TRHDE: variants seen among roughly 807,000 people sequenced by gnomAD.
The protein encoded by TRHDE is thyrotropin-releasing hormone-degrading ectoenzyme.
TRHDE carries 72 observed loss-of-function variants against 125.7 expected under a neutral mutation model. The ratio of observed to expected loss-of-function variants is 0.57; its 90% confidence interval spans 0.47 to 0.70. The LOEUF is 0.70. Among genes scored for constraint, TRHDE ranks in the 30% least tolerant of loss-of-function variants. TRHDE has a pLI of 0.00. For missense variants in TRHDE, 1,110 were observed against 1,327.1 expected (o/e 0.84, Z 2.54); for synonymous variants, 509 against 509.1 (o/e 1.00, Z 0.00).
chr12:72,169,894 C>T (rs1287925364), intron 2 of TRHDE, among the ~76,000 whole-genome samples: 2 of 152,000 alleles, frequency 1.3e-5, no homozygotes, highest in Non-Finnish European at 2.9e-5. Flanking sequence ...GACTGATAAT[C>T]ACAGCTTTAG....
chr12:72,347,014 G>A (rs1266537066), intron 2 of TRHDE, among the ~76,000 whole-genome samples: 1 of 152,108 alleles, frequency 6.6e-6, no homozygotes, highest in East Asian at 1.9e-4. Context: ...GTGTGTGTCT[G>A]TATCCAAATT....
At chr12:72,479,699 A>C (rs1877071604) in intron 5 of TRHDE, among the ~76,000 whole-genome samples, 1 of 149,910 alleles carries the variant, frequency 6.7e-6, no homozygotes, top group South Asian at 2.1e-4. Flanking sequence ...TTTAGGGTAC[A>C]TGTGCACAAT....
At chr12:72,209,001 C>T (rs181987253) in intron 2 of TRHDE, among the ~76,000 whole-genome samples, 22 of 152,242 alleles carry the variant, frequency 1.4e-4, no homozygotes, top group African/African-American at 2.6e-4. Context: ...TCTGCGGCTC[C>T]GAGCCTGCTA....
chr12:72,351,564 A>G (rs915626148), intron 2 of TRHDE, among the ~76,000 whole-genome samples: 30 of 151,764 alleles, frequency 2.0e-4, no homozygotes, highest in African/African-American at 7.3e-4. Flanking sequence ...TGTCCTGTTG[A>G]TTTTGCCTCT....
intron 2 of TRHDE, among the ~76,000 whole-genome samples, chr12:72,116,319 A>G (rs774309821): frequency 1.3e-5 from 2 of 152,198 alleles, no homozygotes; most frequent in Non-Finnish European, 2.9e-5. Context: ...TAAAATAAAC[A>G]TATGTGTGCA....
intron 2 of TRHDE, among the ~76,000 whole-genome samples, chr12:72,368,054 A>G (rs1440816043): frequency 6.6e-6 from 1 of 152,174 alleles, no homozygotes; most frequent in Non-Finnish European, 1.5e-5. Context: ...ATAACTATAC[A>G]CTGTTTCACG....
chr12:72,135,549 GT>G (rs202197870), intron 2 of TRHDE, among the ~76,000 whole-genome samples: 7,394 of 139,922 alleles, frequency 0.053, 216 homozygotes, highest in South Asian at 0.12. Flanking sequence ...GTGTAAACAT[GT>G]TTTTTTTTTT....
intron 3 of TRHDE, 107 bp downstream of exon 3, chr12:72,378,228 AT>A: frequency 1.8e-6 from 2 of 1,135,792 alleles, no homozygotes; most frequent in Non-Finnish European, 2.4e-6. Flanking sequence ...TGAGATTTAT[AT>A]TTTTAGAGAA....
chr12:72,606,908 AATT>A (rs1872468680), intron 12 of TRHDE, among the ~76,000 whole-genome samples: 1 of 152,082 alleles, frequency 6.6e-6, no homozygotes, highest in African/African-American at 2.4e-5. Flanking sequence ...CTCTAATAAT[AATT>A]ATTATTAAAC....
chr12:72,230,096 T>C (rs1389640430), intron 2 of TRHDE, among the ~76,000 whole-genome samples: 1 of 152,206 alleles, frequency 6.6e-6, no homozygotes, highest in Non-Finnish European at 1.5e-5. Flanking sequence ...AAAAGTTGTG[T>C]TCTAAAAACT....
chr12:72,596,536 A>G (rs1235905482), intron 12 of TRHDE, among the ~76,000 whole-genome samples: 2 of 152,192 alleles, frequency 1.3e-5, no homozygotes, highest in South Asian at 2.1e-4. Context: ...AAGGTATTTA[A>G]TATTTGTCTA....
chr12:72,617,987 T>C (rs1316182675), intron 12 of TRHDE, among the ~76,000 whole-genome samples: 1 of 152,112 alleles, frequency 6.6e-6, no homozygotes. Context: ...CAAATATCAA[T>C]GCTGAAAAAT....
intron 12 of TRHDE, among the ~76,000 whole-genome samples, chr12:72,600,047 G>A (rs1414120597): frequency 6.6e-6 from 1 of 151,992 alleles, no homozygotes; most frequent in Non-Finnish European, 1.5e-5. Flanking sequence ...AAGATCAGAT[G>A]GCTGTAGGTG....
At chr12:72,575,638 T>A in intron 12 of TRHDE, 96 bp downstream of exon 12, 2 of 1,171,814 alleles carry the variant, frequency 1.7e-6, no homozygotes, top group Non-Finnish European at 2.5e-6. Context: ...ATTTAGGACA[T>A]TTAAAAAAAT....
At chr12:72,552,485 G>A (rs578046244) in intron 7 of TRHDE, among the ~76,000 whole-genome samples, 21 of 152,266 alleles carry the variant, frequency 1.4e-4, no homozygotes, top group Non-Finnish European at 2.8e-4. Flanking sequence ...ACAACTGGAG[G>A]TTAAGAGAAA....
intron 6 of TRHDE, among the ~76,000 whole-genome samples, chr12:72,541,954 T>G (rs1337077432): frequency 6.6e-6 from 1 of 151,392 alleles, no homozygotes; most frequent in African/African-American, 2.4e-5. Flanking sequence ...ATTATGAGAT[T>G]GTAAGTAAAA....
At chr12:72,133,024 G>C (rs1313982545) in intron 2 of TRHDE, among the ~76,000 whole-genome samples, 1 of 152,200 alleles carries the variant, frequency 6.6e-6, no homozygotes, top group Non-Finnish European at 1.5e-5. Flanking sequence ...GGAGGCAGGG[G>C]AAGTGGTGTA....
chr12:72,220,670 A>G (rs1010052391), intron 2 of TRHDE, among the ~76,000 whole-genome samples: 20 of 152,154 alleles, frequency 1.3e-4, no homozygotes, highest in African/African-American at 4.8e-4. Flanking sequence ...GTCAGAAGTT[A>G]TTTCTTCTTT....
chr12:72,280,009 A>C (rs1407677247), intron 1 of TRHDE, among the ~76,000 whole-genome samples: 4 of 152,226 alleles, frequency 2.6e-5, no homozygotes, highest in African/African-American at 9.6e-5. Context: ...ATTATTTTTA[A>C]AAATCTTATA....
Sources: allele counts gnomAD v4.1 joint callset (sites outside exome capture counted in the v4.1 genomes callset), GRCh38; gene constraint gnomAD v4.1.1; transcripts MANE v1.5; gene names NCBI Gene and HGNC (gene_info 2026-07-23, HGNC 2026-07-21).